The following AHRR variants were observed in gnomAD, a reference collection of about 807,000 sequenced individuals.
AHRR encodes the protein ahR repressor.
A neutral mutation model predicts 44.0 loss-of-function variants in AHRR; 28 were observed. The observed-to-expected ratio is 0.64, with a 90% CI of 0.47 to 0.87. The LOEUF (loss-of-function observed/expected upper bound fraction) is 0.87. AHRR is among the 40% of genes least tolerant of loss of function. The pLI is 0.00. For synonymous variants in AHRR, 434 were observed against 407.0 expected, an observed-to-expected ratio of 1.07 and a Z score of -0.80; for missense variants, 990 against 953.9, an observed-to-expected ratio of 1.04 and a Z score of -0.50.
At chr5:410,241 G>A (rs191951778) in intron 4 of AHRR, among the ~76,000 whole-genome samples, 15 of 152,296 alleles carry the variant, frequency 9.8e-5, no homozygotes, top group African/African-American at 2.6e-4. Flanking sequence ...CTGTCACCCA[G>A]GCTGAAGTGC....
At chr5:417,141 G>C (rs1735860157) in intron 5 of AHRR, among the ~76,000 whole-genome samples, 1 of 149,498 alleles carries the variant, frequency 6.7e-6, no homozygotes, top group African/African-American at 2.5e-5. Context: ...TGTATGTGCA[G>C]GGCCTGAGTC....
At position 434,610 on chromosome 5, in the gene AHRR, G is replaced by A. The variant is rs758412461; in HGVS notation, c.1870G>A (p.Gly624Ser). The change falls in exon 11 of 11, where the codon GGC (glycine) becomes AGC (serine). Residue 624 changes from glycine to serine, a missense_variant. By Grantham distance (56) the Gly-to-Ser change is moderately conservative. Coordinates refer to ENST00000684583, the MANE Select transcript of AHRR (RefSeq NM_001377236.1). The stretch of plus-strand genomic sequence containing the variant: ...CTGTGCCTGCCTGGAGCCCACAGAC[G>A]GCCTTCCCCAGTCGGAGCCTCCCCA... ...AHCACLEPTD[G>S]LPQSEPPHQL... The A allele has an allele frequency of 3.3e-5, 52 of 1,564,380 alleles. No individual in the cohort carries two copies. The highest frequency in any genetic ancestry group is 9.5e-5 in the East Asian group (4 of 41,982).
In AHRR at chr5:369,866, C is replaced by T. The variant is rs139437171; in HGVS notation, c.245-6744C>T. 5.4e-3 allele frequency among the ~76,000 whole-genome samples: 816 copies of T among 152,340 alleles called. 6 individuals carry two copies. Among genetic ancestry groups the T allele is most frequent in the South Asian group, 0.042 (201 of 4,828 alleles). ...TCAAAAGGCAAAACGGTTTCTCATCCAGTTCTTGAGAAGGGAAGGAAGGGA... is the reference window on the plus strand; with the variant it reads ...TCAAAAGGCAAAACGGTTTCTCATCTAGTTCTTGAGAAGGGAAGGAAGGGA... On this transcript the variant is annotated intron_variant, in intron 3 of 10. Transcript: ENST00000684583.
At position 355,527 on chromosome 5, in the gene AHRR, T is replaced by C. The variant is rs535412621; in HGVS notation, c.244+1616T>C. ...ACCGACACCGCACAGCCTCACCCTC[T>C]CGCTGGGAGGTTGGAGGAGAGGCCA... On this transcript the variant is annotated intron_variant, in intron 3 of 10. Coordinates refer to ENST00000684583, the MANE Select transcript of AHRR (RefSeq NM_001377236.1). Among the ~76,000 whole-genome samples, 3 of 152,220 alleles carry C rather than the reference T, an allele frequency of 2.0e-5. No homozygotes were observed. In the South Asian group the frequency reaches 6.2e-4, roughly 32 times the overall value.
At chr5:377,357 G>A (rs759482007) in intron 4 of AHRR, among the ~76,000 whole-genome samples, 1 of 152,168 alleles carries the variant, frequency 6.6e-6, no homozygotes, top group Non-Finnish European at 1.5e-5. Context: ...AAGATGAAGG[G>A]GGTTGCTGCC....
At chr5:346,585 C>T (rs1351816789) in intron 2 of AHRR, among the ~76,000 whole-genome samples, 1 of 152,204 alleles carries the variant, frequency 6.6e-6, no homozygotes, top group Non-Finnish European at 1.5e-5. Context: ...CATTCCGTCG[C>T]CCACCCCCGG....
intron 8 of AHRR, among the ~76,000 whole-genome samples, 173 bp downstream of exon 8, chr5:428,179 T>C (rs1354144171): frequency 6.6e-6 from 1 of 152,248 alleles, no homozygotes; most frequent in African/African-American, 2.4e-5. Flanking sequence ...GATGAAACAA[T>C]GTTTTTCAAA....
chr5:423,992 C>T lies in AHRR; in HGVS notation c.708+15C>T, dbSNP rs1736258875. 6.3e-7 allele frequency: 1 copy of T among 1,591,768 alleles called. No homozygotes were observed. Among genetic ancestry groups the T allele is most frequent in the Non-Finnish European group, 8.5e-7 (1 of 1,174,938 alleles). ...CGGGCTTCCTGGTGAGTGCGTGGGT[C>T]CCTGGCAGGGGGCTCCCGACATCTG... On this transcript the variant is annotated intron_variant, in intron 7 of 10. Transcript: ENST00000684583.
intron 2 of AHRR, among the ~76,000 whole-genome samples, chr5:348,254 C>G (rs1417002367): frequency 6.6e-6 from 1 of 152,116 alleles, no homozygotes; most frequent in Non-Finnish European, 1.5e-5. Context: ...TCCTTGTCTT[C>G]TGGGATTCCC....
Position 404,110 on chromosome 5 carries a change from G to C in AHRR, c.352-9234G>C, listed in dbSNP as rs2126499022. On this transcript the variant is annotated intron_variant, in intron 4 of 10. Transcript: ENST00000684583. This position sits in a 1 kb window ranked among gnomAD's most constrained non-coding sequence, Gnocchi z 4.1. ...CAGTTCCGTTGTCAGGGTTGGTCCAGGTTTGGGGTTACCCTTCTCCGTCTC... is the reference window on the plus strand; with the variant it reads ...CAGTTCCGTTGTCAGGGTTGGTCCACGTTTGGGGTTACCCTTCTCCGTCTC... The C allele has an allele frequency of 1.7e-6, 1 of 581,946 alleles. No homozygotes were observed. The highest frequency in any genetic ancestry group is 3.5e-5 in the East Asian group (1 of 28,756). The allele number at this position is 581,946 out of a possible 1,614,324, so 36.0% of individuals were successfully genotyped here.
chr5:370,808 C>T lies in AHRR; in HGVS notation c.245-5802C>T, dbSNP rs371506802. On this transcript the variant is annotated intron_variant, in intron 3 of 10. Coordinates refer to ENST00000684583, the MANE Select transcript of AHRR (RefSeq NM_001377236.1). The surrounding 1 kb of genome is among the most constrained non-coding windows in gnomAD (Gnocchi z 4.5). ...CGTTCCCATCATGCTTGTCCGACCT[C>T]CCTGGGTGGCTGGAGGAGGAAGTGA... Among the ~76,000 whole-genome samples the T allele has an allele frequency of 1.2e-4, 19 of 152,140 alleles. No individual in the cohort carries two copies. In the East Asian group the frequency reaches 2.3e-3, roughly 19 times the overall value.
chr5:362,523 C>G (rs1743218973), intron 3 of AHRR, among the ~76,000 whole-genome samples: 1 of 152,166 alleles, frequency 6.6e-6, no homozygotes, highest in South Asian at 2.1e-4. Context: ...TGGAAGATGG[C>G]TTCCCCTTGG....
intron 5 of AHRR, among the ~76,000 whole-genome samples, chr5:413,866 C>T (rs1164362053): frequency 6.6e-6 from 1 of 152,218 alleles, no homozygotes; most frequent in African/African-American, 2.4e-5. Flanking sequence ...GCTGCCCAGC[C>T]AGCCCCAGGT....
chr5:427,458 G>A (rs933774552), intron 7 of AHRR, among the ~76,000 whole-genome samples: 3 of 152,194 alleles, frequency 2.0e-5, no homozygotes, highest in African/African-American at 2.4e-5. Flanking sequence ...CCGCTGGCCC[G>A]GCTGTGGGCA....
At chr5:421,752 C>T (rs1736134313) in intron 5 of AHRR, among the ~76,000 whole-genome samples, 1 of 152,234 alleles carries the variant, frequency 6.6e-6, no homozygotes, top group South Asian at 2.1e-4. Context: ...TCCTTCTGCT[C>T]TCCTGAGGCT....
At chr5:407,602 C>T (rs1229467492) in intron 4 of AHRR, among the ~76,000 whole-genome samples, 2 of 152,114 alleles carry the variant, frequency 1.3e-5, no homozygotes, top group African/African-American at 2.4e-5. Flanking sequence ...TGTAATGTCA[C>T]GATCTCAGCT....
intron 4 of AHRR, among the ~76,000 whole-genome samples, chr5:398,628 GTGTT>G (rs1734873510): frequency 6.6e-6 from 1 of 152,224 alleles, no homozygotes; most frequent in Non-Finnish European, 1.5e-5. Flanking sequence ...TGGAAGGAGT[GTGTT>G]TGTGCCAAAC....
chr5:414,450 T>C (rs963915880), intron 5 of AHRR, among the ~76,000 whole-genome samples: 1 of 152,062 alleles, frequency 6.6e-6, no homozygotes, highest in Non-Finnish European at 1.5e-5. Context: ...TGCAGACTGA[T>C]AGATTTCTGG....
At chr5:359,645 A>G (rs1413421489) in intron 3 of AHRR, among the ~76,000 whole-genome samples, 1 of 152,200 alleles carries the variant, frequency 6.6e-6, no homozygotes, top group Non-Finnish European at 1.5e-5. Context: ...CCGCAGCAGC[A>G]TCGGAGTCCT....
Sources: gnomAD v4.1 joint callset for allele counts (sites outside exome capture counted in the v4.1 genomes callset) on GRCh38, gnomAD v4.1.1 for gene constraint, Gnocchi (gnomAD v3.1) non-coding constraint, MANE v1.5 for transcripts, NCBI Gene and HGNC (gene_info 2026-07-23, HGNC 2026-07-21) for gene names.